The following ARHGEF3 variants were observed in gnomAD, a reference collection of about 807,000 sequenced individuals.
The protein encoded by ARHGEF3 is 59.8 kDA protein.
In ARHGEF3, 28 loss-of-function variants were observed where a neutral mutation model predicts 63.2. That is an observed-to-expected ratio of 0.44 (90% CI 0.33 to 0.61). The LOEUF (loss-of-function observed/expected upper bound fraction) is 0.61, where lower values mean the gene tolerates loss of function less well. ARHGEF3 is among the 20% of genes least tolerant of loss of function. The pLI is 0.03. For missense variants in ARHGEF3, 533 were observed against 659.3 expected (o/e 0.81, Z 2.10); for synonymous variants, 266 against 254.2 (o/e 1.05, Z -0.44).
intron 2 of ARHGEF3, among the ~76,000 whole-genome samples, chr3:56,961,177 T>C (rs1341636699): frequency 6.6e-6 from 1 of 152,202 alleles, no homozygotes; most frequent in Non-Finnish European, 1.5e-5. Context: ...ACAGACAGCA[T>C]TATAACAGTG....
chr3:56,772,842 T>C (rs528244168), intron 2 of ARHGEF3, among the ~76,000 whole-genome samples: 2 of 152,308 alleles, frequency 1.3e-5, no homozygotes, highest in Admixed American at 6.5e-5. Flanking sequence ...GGTGGCATCA[T>C]GGCAAATTTA....
intron 1 of ARHGEF3, among the ~76,000 whole-genome samples, chr3:57,042,696 ATATATT>A (rs1704270444): frequency 3.0e-5 from 1 of 33,530 alleles, no homozygotes; most frequent in African/African-American, 7.7e-5. Context: ...ATATATATAT[ATATATT>A]TTTTTTTTTT....
intron 3 of ARHGEF3, among the ~76,000 whole-genome samples, chr3:56,919,154 T>C (rs543827100): frequency 3.3e-5 from 5 of 152,154 alleles, no homozygotes; most frequent in African/African-American, 1.2e-4. Flanking sequence ...TCATCCAGGG[T>C]GAGCAGACAT....
At chr3:56,899,099 T>C (rs1260648695) in intron 3 of ARHGEF3, among the ~76,000 whole-genome samples, 2 of 152,134 alleles carry the variant, frequency 1.3e-5, no homozygotes, top group African/African-American at 4.8e-5. Flanking sequence ...AATTCTCCAC[T>C]GAGGGGTGAG....
chr3:56,912,654 T>G (rs1044419038), intron 3 of ARHGEF3, among the ~76,000 whole-genome samples: 1 of 152,238 alleles, frequency 6.6e-6, no homozygotes, highest in Non-Finnish European at 1.5e-5. Flanking sequence ...ATCTAATAAA[T>G]GTAAGTTATT....
chr3:56,898,990 G>T (rs1416722324), intron 3 of ARHGEF3, among the ~76,000 whole-genome samples: 1 of 152,206 alleles, frequency 6.6e-6, no homozygotes, highest in East Asian at 1.9e-4. Flanking sequence ...GGAGGTGGAG[G>T]TTGCAGTGAT....
In ARHGEF3 at chr3:57,024,076, A is replaced by G. The variant is rs148114264; in HGVS notation, c.62+11012T>C. On this transcript the variant is annotated intron_variant, in intron 2 of 12. Coordinates refer to the ARHGEF3 transcript ENST00000338458. ...TTGGGCACCCCAATGCACCCTTCAT[A>G]CTCCCTTGAGAAAACAGCAACACAC... Among the ~76,000 whole-genome samples, 39 of 151,866 alleles carry G rather than the reference A, an allele frequency of 2.6e-4. No homozygotes were observed. In the East Asian group the frequency reaches 6.8e-3, roughly 26 times the overall value.
chr3:56,932,047 C>A (rs2042425338), intron 3 of ARHGEF3, among the ~76,000 whole-genome samples: 1 of 152,194 alleles, frequency 6.6e-6, no homozygotes, highest in Non-Finnish European at 1.5e-5. Flanking sequence ...CCTCCACAAA[C>A]ATATGTGATG....
At chr3:56,796,942 G>A (rs1419344247) in intron 1 of ARHGEF3, among the ~76,000 whole-genome samples, 6 of 152,152 alleles carry the variant, frequency 3.9e-5, no homozygotes, top group Admixed American at 3.9e-4. Flanking sequence ...CAACATTCAG[G>A]AAATTAGGCT....
At chr3:56,812,390 C>T (rs2038098122) in intron 4 of ARHGEF3, among the ~76,000 whole-genome samples, 1 of 152,146 alleles carries the variant, frequency 6.6e-6, no homozygotes, top group African/African-American at 2.4e-5. Flanking sequence ...CAGTTCCTTC[C>T]AGCTGTTTAC....
intron 1 of ARHGEF3, chr3:57,074,128 G>A (rs1212945518): frequency 1.2e-6 from 2 of 1,613,902 alleles, no homozygotes; most frequent in Non-Finnish European, 1.7e-6. Flanking sequence ...GGATGGTTGT[G>A]GAGACTGTGT....
chr3:56,997,581 G>A (rs562853813), intron 2 of ARHGEF3, among the ~76,000 whole-genome samples: 27 of 152,108 alleles, frequency 1.8e-4, no homozygotes, highest in African/African-American at 3.1e-4. Flanking sequence ...GGCTGACTCC[G>A]CGCAGATCTA....
chr3:56,733,928 G>T (rs1329090737), intron 8 of ARHGEF3, among the ~76,000 whole-genome samples: 1 of 145,298 alleles, frequency 6.9e-6, no homozygotes, highest in Non-Finnish European at 1.5e-5. Flanking sequence ...AGGTTGCAGT[G>T]AGCTGAGATC....
intron 4 of ARHGEF3, among the ~76,000 whole-genome samples, chr3:56,816,575 G>A (rs1252408880): frequency 6.6e-6 from 1 of 152,198 alleles, no homozygotes; most frequent in Non-Finnish European, 1.5e-5. Context: ...TGAGAGCTCA[G>A]TAAATGATGC....
At chr3:56,931,420 A>G (rs1338486701) in intron 3 of ARHGEF3, among the ~76,000 whole-genome samples, 7 of 151,932 alleles carry the variant, frequency 4.6e-5, no homozygotes, top group Admixed American at 3.9e-4. Context: ...TACAGAAAAT[A>G]CAAAGATTAG....
intron 3 of ARHGEF3, among the ~76,000 whole-genome samples, chr3:56,907,983 A>T (rs1374202792): frequency 6.6e-6 from 1 of 152,192 alleles, no homozygotes; most frequent in African/African-American, 2.4e-5. Context: ...GGTTACCTAT[A>T]AAACAAACCT....
At chr3:56,818,882 C>T (rs373405282) in intron 4 of ARHGEF3, among the ~76,000 whole-genome samples, 2 of 152,038 alleles carry the variant, frequency 1.3e-5, no homozygotes, top group East Asian at 1.9e-4. Flanking sequence ...TAAAGTGCTC[C>T]CACAAGAAAG....
At chr3:57,015,531 T>C (rs1702955477) in intron 2 of ARHGEF3, among the ~76,000 whole-genome samples, 1 of 148,194 alleles carries the variant, frequency 6.7e-6, no homozygotes, top group Non-Finnish European at 1.5e-5. Context: ...CATTCTGGGC[T>C]CAAGCTATCC....
At chr3:56,740,842 A>G (rs2033968912) in intron 7 of ARHGEF3, among the ~76,000 whole-genome samples, 1 of 152,248 alleles carries the variant, frequency 6.6e-6, no homozygotes, top group Non-Finnish European at 1.5e-5. Context: ...AGTTGCCTGC[A>G]AATATCCAGG....
Sources: gnomAD v4.1 joint callset for allele counts (sites outside exome capture counted in the v4.1 genomes callset) on GRCh38, gnomAD v4.1.1 for gene constraint, MANE v1.5 for transcripts, NCBI Gene and HGNC (gene_info 2026-07-23, HGNC 2026-07-21) for gene names.